NELL1: variants seen among roughly 807,000 people sequenced by gnomAD.
The protein encoded by NELL1 is neural EGFL like 1, also known as protein kinase C-binding protein NELL1.
A neutral mutation model predicts 107.4 loss-of-function variants in NELL1; 76 were observed. The observed-to-expected ratio is 0.71, with a 90% CI of 0.59 to 0.86. The LOEUF (loss-of-function observed/expected upper bound fraction) is 0.86, where lower values mean the gene tolerates loss of function less well. NELL1 is among the 40% of genes least tolerant of loss of function. The pLI is 0.00. For synonymous variants in NELL1, 353 were observed against 341.2 expected, an observed-to-expected ratio of 1.03 and a Z score of -0.38; for missense variants, 1,024 against 1,005.5, an observed-to-expected ratio of 1.02 and a Z score of -0.25.
At chr11:21,536,905 A>G (rs147402629) in intron 16 of NELL1, among the ~76,000 whole-genome samples, 8 of 152,184 alleles carry the variant, frequency 5.3e-5, no homozygotes, top group Non-Finnish European at 7.4e-5. Context: ...ATTTCTCTCT[A>G]ACATGCTGAG....
chr11:20,940,663 G>T (rs1285100309), intron 10 of NELL1, among the ~76,000 whole-genome samples: 1 of 152,106 alleles, frequency 6.6e-6, no homozygotes, highest in African/African-American at 2.4e-5. Context: ...CTTATAAACT[G>T]GTCTCCGAAA....
intron 12 of NELL1, among the ~76,000 whole-genome samples, chr11:21,081,939 G>A (rs558152014): frequency 6.2e-4 from 94 of 152,098 alleles, no homozygotes; most frequent in Non-Finnish European, 1.2e-3. Flanking sequence ...ACTCAGATGG[G>A]GGAACTGAGA....
At chr11:21,485,665 TG>T (rs1854609576) in intron 15 of NELL1, among the ~76,000 whole-genome samples, 1 of 151,340 alleles carries the variant, frequency 6.6e-6, no homozygotes, top group African/African-American at 2.4e-5. Flanking sequence ...CCGCCCTCCC[TG>T]GAGGCCAGTC....
chr11:20,961,449 A>ATGTCTTGCAT (rs1851289025), intron 12 of NELL1, among the ~76,000 whole-genome samples: 2 of 152,106 alleles, frequency 1.3e-5, no homozygotes, highest in African/African-American at 4.8e-5. Flanking sequence ...GTCTTCATTA[A>ATGTCTTGCAT]TAATACCTTG....
chr11:21,318,030 AT>A (rs1402857807), intron 14 of NELL1, among the ~76,000 whole-genome samples: 1 of 151,816 alleles, frequency 6.6e-6, no homozygotes, highest in African/African-American at 2.4e-5. Context: ...GAAGGCTATC[AT>A]TTCCAGAAGA....
intron 14 of NELL1, among the ~76,000 whole-genome samples, chr11:21,320,912 CA>C (rs1329354797): frequency 1.3e-5 from 2 of 152,106 alleles, no homozygotes; most frequent in Admixed American, 1.3e-4. Flanking sequence ...GTTAATTTAA[CA>C]TTAAGAAAGA....
At position 21,298,138 on chromosome 11, in the gene NELL1, T is replaced by C. The variant is rs898208848; in HGVS notation, c.1549+68684T>C. On this transcript the variant is annotated intron_variant, in intron 14 of 19. Coordinates refer to ENST00000357134, the MANE Select transcript of NELL1 (RefSeq NM_006157.5). ...ATTTAAGGTGAACAGCTGATTTTTC[T>C]ATGAAATGTTTTTGTTTCAATGATA... 8.5e-5 allele frequency among the ~76,000 whole-genome samples: 13 copies of C among 152,064 alleles called. No individual in the cohort carries two copies. The South Asian group carries it at 1.7e-3, about 19-fold the overall frequency.
At chr11:21,165,550 A>G in intron 13 of NELL1, among the ~76,000 whole-genome samples, 1 of 152,274 alleles carries the variant, frequency 6.6e-6, no homozygotes, top group Non-Finnish European at 1.5e-5. Flanking sequence ...TTACTATATG[A>G]TTCTGCAATC....
chr11:21,485,947 T>A (rs562792059), intron 15 of NELL1, among the ~76,000 whole-genome samples: 1 of 152,204 alleles, frequency 6.6e-6, no homozygotes, highest in South Asian at 2.1e-4. Context: ...AGCTAGTACC[T>A]ACCTGTACAA....
At chr11:20,860,090 G>A (rs576228643) in intron 4 of NELL1, among the ~76,000 whole-genome samples, 1 of 152,188 alleles carries the variant, frequency 6.6e-6, no homozygotes, top group African/African-American at 2.4e-5. Flanking sequence ...TTCTTTAGAG[G>A]TATCATATTC....
chr11:21,230,094 G>A (rs1858003823), intron 14 of NELL1, among the ~76,000 whole-genome samples: 1 of 151,976 alleles, frequency 6.6e-6, no homozygotes, highest in Non-Finnish European at 1.5e-5. Context: ...TTTCTTTCAT[G>A]TCTCTACTCA....
At chr11:21,066,025 T>G (rs1296281203) in intron 12 of NELL1, among the ~76,000 whole-genome samples, 1 of 152,234 alleles carries the variant, frequency 6.6e-6, no homozygotes, top group Non-Finnish European at 1.5e-5. Flanking sequence ...AGCCTATTCC[T>G]GAGTGGTATT....
chr11:20,899,395 A>G (rs1383138201), intron 5 of NELL1, among the ~76,000 whole-genome samples: 1 of 152,198 alleles, frequency 6.6e-6, no homozygotes, highest in Non-Finnish European at 1.5e-5. Context: ...GTAACTAATC[A>G]GTCTGGGGGA....
At chr11:21,047,174 C>T (rs1853377286) in intron 12 of NELL1, among the ~76,000 whole-genome samples, 1 of 152,076 alleles carries the variant, frequency 6.6e-6, no homozygotes, top group Non-Finnish European at 1.5e-5. Flanking sequence ...AAATGTTGCT[C>T]TTGGGAAGTC....
chr11:21,145,622 G>A (rs559203554), intron 13 of NELL1, among the ~76,000 whole-genome samples: 10 of 152,260 alleles, frequency 6.6e-5, no homozygotes, highest in Admixed American at 6.5e-4. Context: ...TACAATGAAA[G>A]AGTCAAATAA....
chr11:21,209,516 T>A (rs187728470), intron 13 of NELL1, among the ~76,000 whole-genome samples: 1 of 151,994 alleles, frequency 6.6e-6, no homozygotes, highest in East Asian at 1.9e-4. Flanking sequence ...AGTTTTTACA[T>A]CCCCTTCTTA....
chr11:21,242,842 AG>A (rs1244847002), intron 14 of NELL1, among the ~76,000 whole-genome samples: 1 of 152,170 alleles, frequency 6.6e-6, no homozygotes, highest in Non-Finnish European at 1.5e-5. Context: ...CACTTGAAGT[AG>A]TACAAGGAAC....
At chr11:21,441,068 C>T (rs953509123) in intron 15 of NELL1, among the ~76,000 whole-genome samples, 6 of 152,008 alleles carry the variant, frequency 3.9e-5, no homozygotes, top group Non-Finnish European at 7.4e-5. Flanking sequence ...TTTGAAACTC[C>T]TTTATTATTA....
chr11:21,337,387 A>G (rs951205206), intron 14 of NELL1, among the ~76,000 whole-genome samples: 3 of 152,212 alleles, frequency 2.0e-5, no homozygotes, highest in Admixed American at 6.6e-5. Flanking sequence ...AGCTTATTCT[A>G]TAAAAGTGTA....
Sources: gnomAD v4.1 joint callset for allele counts (sites outside exome capture counted in the v4.1 genomes callset) on GRCh38, gnomAD v4.1.1 for gene constraint, MANE v1.5 for transcripts, NCBI Gene and HGNC (gene_info 2026-07-23, HGNC 2026-07-21) for gene names.